Variants in SNTG1 observed in about 807,000 individuals in gnomAD.
SNTG1 encodes the protein gamma-1-syntrophin.
Under a neutral mutation model 74.7 loss-of-function variants are expected in SNTG1, and 39 were observed. The ratio of observed to expected loss-of-function variants is 0.52; its 90% CI spans 0.40 to 0.68. The LOEUF (loss-of-function observed/expected upper bound fraction) is 0.68. SNTG1 is among the 30% of genes least tolerant of loss of function. SNTG1 has a pLI of 0.00. For missense variants in SNTG1, 685 were observed against 609.5 expected (o/e 1.12, Z -1.30); for synonymous variants, 254 against 217.1 (o/e 1.17, Z -1.49).
intron 2 of SNTG1, among the ~76,000 whole-genome samples, chr8:50,383,629 C>T (rs13261341): frequency 0.16 from 23,883 of 152,134 alleles, 2,329 homozygotes; most frequent in Middle Eastern, 0.26. Context: ...AACACCTCAG[C>T]TGGTCATAGT....
At chr8:50,165,492 T>C (rs1185002920) in intron 1 of SNTG1, among the ~76,000 whole-genome samples, 1 of 152,212 alleles carries the variant, frequency 6.6e-6, no homozygotes, top group Non-Finnish European at 1.5e-5. Flanking sequence ...TGTACTCATC[T>C]CCAGATAGAG....
rs1802815992 is a variant in SNTG1, at chr8:50,796,458, T to A, written c.*3629T>A. ...GAATTTGCTTTTGAAAATAAAATAT[T>A]ATAAATGTTATATATTTTATACATG... On this transcript the variant is annotated 3_prime_UTR_variant, in exon 19 of 19. Coordinates refer to ENST00000642720, the MANE Select transcript of SNTG1 (RefSeq NM_018967.5). The A allele has an allele frequency of 6.6e-6, 1 of 151,900 alleles. No homozygotes were observed. 9.4% of individuals were successfully genotyped at this position (151,900 alleles called of 1,614,324 possible).
intron 17 of SNTG1, among the ~76,000 whole-genome samples, chr8:50,728,863 A>C (rs547202570): frequency 2.0e-5 from 3 of 152,202 alleles, no homozygotes; most frequent in African/African-American, 7.2e-5. Flanking sequence ...TGAATCACCC[A>C]TATTCTTATC....
At chr8:49,978,321 C>T (rs1812375503) in intron 1 of SNTG1, among the ~76,000 whole-genome samples, 1 of 151,528 alleles carries the variant, frequency 6.6e-6, no homozygotes, top group Non-Finnish European at 1.5e-5. Context: ...GAGAACAGGG[C>T]TAGAATGGAA....
intron 2 of SNTG1, among the ~76,000 whole-genome samples, chr8:50,341,682 G>A (rs972543639): frequency 4.0e-5 from 6 of 151,898 alleles, no homozygotes; most frequent in African/African-American, 1.4e-4. Flanking sequence ...AAATGAAATG[G>A]ACTTTAATTC....
chr8:50,061,666 A>C (rs1245977096), intron 1 of SNTG1, among the ~76,000 whole-genome samples: 1 of 152,044 alleles, frequency 6.6e-6, no homozygotes, highest in African/African-American at 2.4e-5. Flanking sequence ...GCTGCATCCC[A>C]CATGTTTAAT....
chr8:50,674,250 G>T (rs1185892954), intron 15 of SNTG1, among the ~76,000 whole-genome samples: 1 of 152,090 alleles, frequency 6.6e-6, no homozygotes, highest in Non-Finnish European at 1.5e-5. Context: ...AGAAGGAATG[G>T]TACCAGCTCC....
chr8:50,468,472 A>C lies in SNTG1; in HGVS notation c.363+17743A>C, dbSNP rs375817030. Among the ~76,000 whole-genome samples the C allele has an allele frequency of 1.2e-4, 19 of 152,116 alleles. No homozygotes were observed. In the East Asian group the frequency reaches 3.3e-3, roughly 26 times the overall value. On this transcript the variant is annotated intron_variant, in intron 8 of 18. Coordinates refer to ENST00000642720, the MANE Select transcript of SNTG1 (RefSeq NM_018967.5). ...TAATATATCTCCTCCAGCTACCTTC[A>C]TTAATGTTAGCAAAGTATATTTTTC... is the stretch of plus-strand genomic sequence containing the variant.
chr8:50,547,493 A>G (rs2094396619), intron 11 of SNTG1, among the ~76,000 whole-genome samples: 1 of 152,126 alleles, frequency 6.6e-6, no homozygotes. Context: ...TGAATTTTGT[A>G]TAGTTCTTTC....
intron 1 of SNTG1, among the ~76,000 whole-genome samples, chr8:50,094,921 T>A (rs1050783246): frequency 9.2e-5 from 14 of 152,126 alleles, no homozygotes; most frequent in African/African-American, 3.4e-4. Flanking sequence ...TGCCCATCAA[T>A]GGTAAACTGG....
chr8:50,342,591 C>T (rs1017643168), intron 2 of SNTG1, among the ~76,000 whole-genome samples: 1 of 152,114 alleles, frequency 6.6e-6, no homozygotes, highest in Non-Finnish European at 1.5e-5. Flanking sequence ...TGTTAACCTG[C>T]CAATGACTCA....
intron 15 of SNTG1, among the ~76,000 whole-genome samples, chr8:50,689,566 G>T (rs574934445): frequency 6.6e-6 from 1 of 151,960 alleles, no homozygotes; most frequent in Non-Finnish European, 1.5e-5. Flanking sequence ...ATTTGCATAT[G>T]TTGAACCAGC....
chr8:50,375,418 G>A (rs1425192809), intron 2 of SNTG1, among the ~76,000 whole-genome samples: 1 of 151,862 alleles, frequency 6.6e-6, no homozygotes, highest in African/African-American at 2.4e-5. Flanking sequence ...GAGGAGCCAA[G>A]CAGAAGAGAC....
intron 1 of SNTG1, among the ~76,000 whole-genome samples, chr8:50,109,379 T>C (rs978971172): frequency 1.3e-5 from 2 of 152,188 alleles, no homozygotes; most frequent in African/African-American, 4.8e-5. Context: ...TCTGTCATCC[T>C]GCAGAAAATC....
chr8:50,242,058 G>C (rs2086187360), intron 2 of SNTG1, among the ~76,000 whole-genome samples: 1 of 151,396 alleles, frequency 6.6e-6, no homozygotes, highest in African/African-American at 2.4e-5. Flanking sequence ...TAGATAGATA[G>C]ACACACAGAT....
At chr8:50,690,819 C>T (rs951957123) in intron 15 of SNTG1, among the ~76,000 whole-genome samples, 16 of 152,030 alleles carry the variant, frequency 1.1e-4, no homozygotes, top group Non-Finnish European at 1.5e-4. Context: ...CTTTCTGTCT[C>T]GTTGATCTGC....
intron 15 of SNTG1, among the ~76,000 whole-genome samples, chr8:50,675,797 C>A (rs1486277297): frequency 6.6e-6 from 1 of 151,846 alleles, no homozygotes; most frequent in Non-Finnish European, 1.5e-5. Context: ...GGCTGGTACC[C>A]GTTTTTCCTT....
intron 1 of SNTG1, among the ~76,000 whole-genome samples, chr8:50,105,727 CA>C (rs1464904688): frequency 6.6e-6 from 1 of 151,998 alleles, no homozygotes; most frequent in Non-Finnish European, 1.5e-5. Context: ...TTGTAAATCT[CA>C]TTGTAGAGAA....
At chr8:49,938,607 C>CTTTTCTTTTTTTCT (rs60669251) in intron 1 of SNTG1, among the ~76,000 whole-genome samples, 1 of 27,874 alleles carries the variant, frequency 3.6e-5, no homozygotes, top group Non-Finnish European at 8.3e-5. Flanking sequence ...CTTTTCTTTT[C>CTTTTCTTTTTTTCT]TTTCTTTCTT....
Sources: gnomAD v4.1 joint callset for allele counts (sites outside exome capture counted in the v4.1 genomes callset) on GRCh38, gnomAD v4.1.1 for gene constraint, MANE v1.5 for transcripts, NCBI Gene and HGNC (gene_info 2026-07-23, HGNC 2026-07-21) for gene names.